The following NRXN1 variants were observed in gnomAD, a reference collection of about 807,000 sequenced individuals.
NRXN1 encodes neurexin 1, also known as neurexin-1.
In NRXN1, 39 loss-of-function variants were observed where a neutral mutation model predicts 150.9. That is an observed-to-expected ratio of 0.26 (90% confidence interval 0.20 to 0.34). NRXN1 has a LOEUF of 0.34. Ranked by LOEUF, NRXN1 falls within the 10% of genes least tolerant of loss-of-function variation. The pLI is 1.00. For missense variants in NRXN1, 1,815 were observed against 1,949.9 expected (o/e 0.93, Z 1.30); for synonymous variants, 924 against 757.0 (o/e 1.22, Z -3.62).
At chr2:49,995,858 T>A (rs1573298928) in intron 21 of NRXN1, among the ~76,000 whole-genome samples, 7 of 55,612 alleles carry the variant, frequency 1.3e-4, no homozygotes, top group East Asian at 4.8e-4. Context: ...CCATGCTGGA[T>A]AGTAAAAAAA....
chr2:49,945,494 T>C (rs920546327), intron 21 of NRXN1, among the ~76,000 whole-genome samples: 2 of 152,046 alleles, frequency 1.3e-5, no homozygotes, highest in East Asian at 3.9e-4. Flanking sequence ...CCCATCAACC[T>C]GTCATCTACA....
At chr2:50,169,515 C>T (rs1175001319) in intron 18 of NRXN1, among the ~76,000 whole-genome samples, 1 of 151,946 alleles carries the variant, frequency 6.6e-6, no homozygotes, top group Non-Finnish European at 1.5e-5. Context: ...GAGTTCGAGA[C>T]CAGTCTGGCC....
intron 5 of NRXN1, among the ~76,000 whole-genome samples, chr2:50,784,054 C>T (rs1704732185): frequency 6.6e-6 from 1 of 151,974 alleles, no homozygotes; most frequent in Admixed American, 6.6e-5. Flanking sequence ...AAAATGGTAT[C>T]CAGGTAATAT....
At chr2:49,974,341 C>T (rs1678555128) in intron 21 of NRXN1, 1 of 436,766 alleles carries the variant, frequency 2.3e-6, no homozygotes, top group South Asian at 2.1e-5. Flanking sequence ...TCTCAGCAGT[C>T]GTTGCTTTTC....
chr2:50,155,455 C>T (rs1383846951), intron 18 of NRXN1, among the ~76,000 whole-genome samples: 1 of 150,916 alleles, frequency 6.6e-6, no homozygotes, highest in Non-Finnish European at 1.5e-5. Flanking sequence ...AAAGGAGGGA[C>T]GAATTATGAT....
rs2060071840 is a variant in NRXN1, at chr2:50,172,188, A to C, written c.3546+64601T>G. 1.3e-5 allele frequency among the ~76,000 whole-genome samples: 2 copies of C among 152,176 alleles called. 1 individual carries two copies. Among genetic ancestry groups the C allele is most frequent in the South Asian group, 4.1e-4 (2 of 4,828 alleles). On this transcript the variant is annotated intron_variant, in intron 18 of 22. Transcript: ENST00000401669. The stretch of plus-strand genomic sequence containing the variant: ...AACTAATTAAGAATAATTATTAATA[A>C]CATTTTTGGTGGTATTGTCTTATGC...
intron 17 of NRXN1, among the ~76,000 whole-genome samples, chr2:50,274,452 C>A (rs2070158539): frequency 6.6e-6 from 1 of 152,028 alleles, no homozygotes; most frequent in Admixed American, 6.6e-5. Context: ...GCATGCCGGG[C>A]TTAAAACCTA....
At chr2:50,204,359 TGTGTG>T (rs748906791) in intron 18 of NRXN1, among the ~76,000 whole-genome samples, 1 of 151,660 alleles carries the variant, frequency 6.6e-6, no homozygotes, top group Non-Finnish European at 1.5e-5. Context: ...TGTGTGTGTG[TGTGTG>T]TGTGTGTGTA....
intron 5 of NRXN1, among the ~76,000 whole-genome samples, chr2:50,860,202 T>C (rs1331799962): frequency 6.6e-6 from 1 of 151,874 alleles, no homozygotes; most frequent in African/African-American, 2.4e-5. Context: ...GCCAGTTGCT[T>C]TGTTGATAAA....
intron 22 of NRXN1, among the ~76,000 whole-genome samples, chr2:49,929,955 T>C (rs188728533): frequency 1.3e-5 from 2 of 152,306 alleles, no homozygotes; most frequent in East Asian, 3.9e-4. Context: ...GTAGGTACCA[T>C]GCAGGAGTAG....
intron 5 of NRXN1, among the ~76,000 whole-genome samples, chr2:50,859,375 G>T (rs1675759884): frequency 6.6e-6 from 1 of 152,096 alleles, no homozygotes; most frequent in South Asian, 2.1e-4. Flanking sequence ...ATATTTAAGT[G>T]TCAATGTAAA....
intron 5 of NRXN1, among the ~76,000 whole-genome samples, chr2:50,779,564 C>G (rs1023567074): frequency 6.6e-6 from 1 of 151,914 alleles, no homozygotes; most frequent in African/African-American, 2.4e-5. Context: ...GTCAGGAGAC[C>G]GAGACCATCC....
chr2:50,900,024 T>C (rs1315325410), intron 5 of NRXN1, among the ~76,000 whole-genome samples: 4 of 152,198 alleles, frequency 2.6e-5, no homozygotes, highest in Non-Finnish European at 5.9e-5. Context: ...AGGGATTTTT[T>C]TGTGTGTAAA....
At chr2:50,091,232 C>A (rs1699508347) in intron 19 of NRXN1, 91 bp downstream of exon 19, 1 of 1,465,272 alleles carries the variant, frequency 6.8e-7, no homozygotes, top group Non-Finnish European at 9.5e-7. Flanking sequence ...TCTCAGAAAA[C>A]CACAATTTGG....
chr2:50,619,578 G>C (rs892900561), intron 8 of NRXN1: 7 of 233,556 alleles, frequency 3.0e-5, no homozygotes, highest in African/African-American at 1.3e-4. Flanking sequence ...TTTTGTTTTA[G>C]TTTTGTTTTG....
At chr2:50,524,830 C>T (rs1417832798) in intron 12 of NRXN1, among the ~76,000 whole-genome samples, 1 of 152,000 alleles carries the variant, frequency 6.6e-6, no homozygotes, top group Non-Finnish European at 1.5e-5. Flanking sequence ...AATGGCACTA[C>T]TTAATCATGC....
intron 21 of NRXN1, among the ~76,000 whole-genome samples, chr2:49,984,718 A>C (rs77080763): frequency 1.4e-5 from 2 of 146,836 alleles, no homozygotes; most frequent in South Asian, 2.2e-4. Flanking sequence ...AGAACACACA[A>C]ACACACACAC....
chr2:50,771,981 G>C (rs1005454035), intron 5 of NRXN1, among the ~76,000 whole-genome samples: 6 of 152,018 alleles, frequency 3.9e-5, no homozygotes, highest in Admixed American at 2.6e-4. Context: ...CTAAAGAATG[G>C]GAGAATGTAT....
At chr2:50,657,169 A>T (rs1573992985) in intron 5 of NRXN1, among the ~76,000 whole-genome samples, 2 of 151,798 alleles carry the variant, frequency 1.3e-5, no homozygotes, top group African/African-American at 4.8e-5. Context: ...CTTCAATACT[A>T]CCCTAAAGCC....
Sources: allele counts gnomAD v4.1 joint callset (sites outside exome capture counted in the v4.1 genomes callset), GRCh38; gene constraint gnomAD v4.1.1; transcripts MANE v1.5; gene names NCBI Gene and HGNC (gene_info 2026-07-23, HGNC 2026-07-21).